Variants in MMS22L observed in about 807,000 individuals in gnomAD.
MMS22L encodes the protein MMS22 like, DNA repair protein.
MMS22L carries 74 observed loss-of-function variants against 159.1 expected under a neutral mutation model. The ratio of observed to expected loss-of-function variants is 0.47; its 90% confidence interval spans 0.39 to 0.56. MMS22L has a LOEUF of 0.56. Ranked by LOEUF, MMS22L falls within the 20% of genes least tolerant of loss-of-function variation. MMS22L has a pLI of 0.00. For missense variants in MMS22L, 1,351 were observed against 1,422.1 expected, an observed-to-expected ratio of 0.95 and a Z score of 0.80; for synonymous variants, 517 against 506.9, an observed-to-expected ratio of 1.02 and a Z score of -0.27.
chr6:97,162,284 G>T (rs1023201248), intron 21 of MMS22L, 119 bp from the exon 22 acceptor site: 1 of 704,294 alleles, frequency 1.4e-6, no homozygotes, highest in Non-Finnish European at 2.3e-6. Context: ...AGTGCCACTT[G>T]TATAAAGTAT....
chr6:97,207,913 A>G (rs139210422), intron 14 of MMS22L, among the ~76,000 whole-genome samples: 2 of 152,314 alleles, frequency 1.3e-5, no homozygotes, highest in African/African-American at 4.8e-5. Context: ...GTGTTTTGAT[A>G]TCCTTAGGGT....
chr6:97,250,949 A>G (rs1398210142), intron 10 of MMS22L, among the ~76,000 whole-genome samples: 2 of 152,156 alleles, frequency 1.3e-5, no homozygotes, highest in Non-Finnish European at 2.9e-5. Context: ...GTAGTTGCTT[A>G]TGTTAATATA....
intron 6 of MMS22L, chr6:97,270,921 T>C (rs1192135826): frequency 6.6e-6 from 1 of 152,084 alleles, no homozygotes; most frequent in Non-Finnish European, 1.5e-5. Context: ...AATCAAAATA[T>C]TTTAACAGCA....
chr6:97,255,280 T>A (rs1322155286), intron 9 of MMS22L, among the ~76,000 whole-genome samples: 1 of 152,250 alleles, frequency 6.6e-6, no homozygotes, highest in South Asian at 2.1e-4. Flanking sequence ...TTCATGTAAA[T>A]GTTCAAGTTA....
chr6:97,253,155 T>C (rs1033292260), intron 10 of MMS22L, among the ~76,000 whole-genome samples: 8 of 152,200 alleles, frequency 5.3e-5, no homozygotes, highest in African/African-American at 1.9e-4. Flanking sequence ...TATTTCACTA[T>C]ATTCTGGGAT....
chr6:97,260,690 G>A (rs1335413205), intron 9 of MMS22L: 1 of 152,120 alleles, frequency 6.6e-6, no homozygotes, highest in Non-Finnish European at 1.5e-5. Flanking sequence ...CAACTAAAGT[G>A]TTATCAAATC....
chr6:97,159,823 T>C (rs1582398052), intron 22 of MMS22L, among the ~76,000 whole-genome samples: 2 of 151,932 alleles, frequency 1.3e-5, no homozygotes, highest in Admixed American at 6.6e-5. Flanking sequence ...GCTGCTAAGA[T>C]ACCTCATAAT....
intron 14 of MMS22L, among the ~76,000 whole-genome samples, chr6:97,195,440 T>G (rs552047803): frequency 5.1e-4 from 77 of 152,204 alleles, no homozygotes; most frequent in Non-Finnish European, 2.9e-5. Context: ...AAGGAATATA[T>G]AAAAGAACAA....
intron 20 of MMS22L, among the ~76,000 whole-genome samples, chr6:97,165,978 G>A (rs1802924633): frequency 6.6e-6 from 1 of 152,108 alleles, no homozygotes; most frequent in Non-Finnish European, 1.5e-5. Flanking sequence ...CCTATAACAG[G>A]CACTGTGCTG....
intron 14 of MMS22L, among the ~76,000 whole-genome samples, chr6:97,212,585 A>G (rs146968539): frequency 2.0e-5 from 3 of 152,272 alleles, no homozygotes; most frequent in Admixed American, 6.5e-5. Flanking sequence ...TTATTCTCCA[A>G]ATCAGCTCTT....
rs748557107 is a variant in MMS22L, at chr6:97,173,264, T to C, written c.2680-42A>G. On this transcript the variant is annotated intron_variant, in intron 18 of 24. Coordinates refer to ENST00000683635, the MANE Select transcript of MMS22L (RefSeq NM_001350599.2). ...ACATTATTTAACTTCCCAAAGTTTA[T>C]ACCATAAAGATTTGGAACATAAAGA... The C allele has an allele frequency of 5.1e-6, 8 of 1,574,586 alleles. No individual in the cohort carries two copies. The Admixed American group carries it at 1.3e-4, about 25-fold the overall frequency.
chr6:97,149,029 A>G (rs745802497), intron 24 of MMS22L, among the ~76,000 whole-genome samples: 12 of 152,230 alleles, frequency 7.9e-5, no homozygotes, highest in Admixed American at 1.3e-4. Context: ...TATTCACTAC[A>G]GTAACATGTT....
intron 14 of MMS22L, among the ~76,000 whole-genome samples, chr6:97,208,589 C>T (rs577769248): frequency 2.4e-4 from 37 of 151,822 alleles, no homozygotes; most frequent in Non-Finnish European, 4.6e-4. Flanking sequence ...CACTTACACC[C>T]GAAAGGAAAT....
intron 9 of MMS22L, chr6:97,260,623 C>G (rs752977092): frequency 6.6e-6 from 1 of 152,186 alleles, no homozygotes; most frequent in African/African-American, 2.4e-5. Flanking sequence ...CTAATTCAAT[C>G]TACAGTGTTG....
chr6:97,266,866 G>A (rs1027365456), intron 8 of MMS22L: 1 of 152,188 alleles, frequency 6.6e-6, no homozygotes, highest in African/African-American at 2.4e-5. Flanking sequence ...CGGGGTAGAT[G>A]TTGATCAAAG....
Position 97,281,173 on chromosome 6 carries a change from C to A in MMS22L, c.290+64G>T. ...TGTAATATCAGTATTAGAAGCCACCCAACAACGTAATTTACAAAAGTGAAC... is the reference window on the plus strand; with the variant it reads ...TGTAATATCAGTATTAGAAGCCACCAAACAACGTAATTTACAAAAGTGAAC... On this transcript the variant is annotated intron_variant, in intron 3 of 24. Coordinates refer to ENST00000683635, the MANE Select transcript of MMS22L (RefSeq NM_001350599.2). The A allele has an allele frequency of 4.7e-6, 7 of 1,500,712 alleles. No homozygotes were observed. In the South Asian group the frequency reaches 9.2e-5, roughly 20 times the overall value. The allele number at this position is 1,500,712 out of a possible 1,614,324, so 93.0% of individuals were successfully genotyped here.
Position 97,264,043 on chromosome 6 carries a change from A to G in MMS22L, c.829-595T>C, listed in dbSNP as rs1582836727. ...TTCTATAAAGGGCCAGATAGGACAT[A>G]TTTAAGAGTCTGTTGTCAATACAGT... On this transcript the variant is annotated intron_variant, in intron 8 of 24. Coordinates refer to ENST00000683635, the MANE Select transcript of MMS22L (RefSeq NM_001350599.2). 7 of 152,308 alleles carry G rather than the reference A, an allele frequency of 4.6e-5. 2 individuals are homozygous for G. In the South Asian group the frequency reaches 1.5e-3, roughly 32 times the overall value. The allele number at this position is 152,308 out of a possible 1,614,324, so 9.4% of individuals were successfully genotyped here.
intron 14 of MMS22L, among the ~76,000 whole-genome samples, chr6:97,207,152 C>CA (rs1200976372): frequency 6.6e-6 from 1 of 152,126 alleles, no homozygotes; most frequent in African/African-American, 2.4e-5. Context: ...AACTCTTTCT[C>CA]AAAAAGATTT....
At chr6:97,161,543 C>T (rs562273770) in intron 22 of MMS22L, among the ~76,000 whole-genome samples, 1 of 152,012 alleles carries the variant, frequency 6.6e-6, no homozygotes. Context: ...GGAAGTAAGG[C>T]TGATGAGACT....
Sources: gnomAD v4.1 joint callset for allele counts (sites outside exome capture counted in the v4.1 genomes callset) on GRCh38, gnomAD v4.1.1 for gene constraint, MANE v1.5 for transcripts, NCBI Gene and HGNC (gene_info 2026-07-23, HGNC 2026-07-21) for gene names.